The following KANK1 variants were observed in gnomAD, a reference collection of about 807,000 sequenced individuals.
KANK1 encodes KN motif and ankyrin repeat domain-containing protein 1.
A neutral mutation model predicts 106.2 loss-of-function variants in KANK1; 109 were observed. The observed-to-expected ratio is 1.03, with a 90% CI of 0.88 to 1.20. KANK1 has a LOEUF of 1.20. Ranked by LOEUF, KANK1 falls within the 50% of genes most tolerant of loss-of-function variation. The pLI is 0.00. For missense variants in KANK1, 2,399 were observed against 1,710.7 expected (o/e 1.40, Z -7.10); for synonymous variants, 873 against 652.2 (o/e 1.34, Z -5.16).
chr9:627,559 T>C (rs1352658831), intron 1 of KANK1, among the ~76,000 whole-genome samples: 1 of 152,218 alleles, frequency 6.6e-6, no homozygotes, highest in Non-Finnish European at 1.5e-5. Flanking sequence ...TTGCCAGTAA[T>C]GAACAATCTT....
At chr9:690,133 C>CAAAAAAAA (rs57837964) in intron 2 of KANK1, among the ~76,000 whole-genome samples, 161 of 61,648 alleles carry the variant, frequency 2.6e-3, no homozygotes, top group Non-Finnish European at 3.3e-3. Context: ...TCTAAAAATA[C>CAAAAAAAA]AAAAAAAAAA....
At chr9:504,251 T>C (rs551176702), upstream of KANK1, among the ~76,000 whole-genome samples, 705 of 152,124 alleles carry the variant, frequency 4.6e-3, 1 homozygote, top group African/African-American at 0.016. Flanking sequence ...CGGGTGTGTG[T>C]GCGAGGATGG....
chr9:701,147 A>T (rs1318506272), intron 2 of KANK1, among the ~76,000 whole-genome samples: 1 of 151,928 alleles, frequency 6.6e-6, no homozygotes, highest in Non-Finnish European at 1.5e-5. Context: ...ATGGAGTTTC[A>T]CTCTTGCCCA....
intron 2 of KANK1, among the ~76,000 whole-genome samples, chr9:701,801 A>G (rs1022214000): frequency 6.6e-6 from 1 of 152,192 alleles, no homozygotes; most frequent in Non-Finnish European, 1.5e-5. Context: ...GTTAATTTTT[A>G]TGTCTTTCAA....
intron 1 of KANK1, among the ~76,000 whole-genome samples, chr9:567,962 A>G (rs1818220687): frequency 6.6e-6 from 1 of 151,972 alleles, no homozygotes; most frequent in South Asian, 2.1e-4. Flanking sequence ...TTCCAAAGAG[A>G]GAGTGCCAAA....
chr9:633,678 G>A (rs997717769), intron 1 of KANK1, among the ~76,000 whole-genome samples: 2 of 152,042 alleles, frequency 1.3e-5, no homozygotes, highest in Non-Finnish European at 2.9e-5. Context: ...TTTGAGACAG[G>A]GTCTCGCTTT....
intron 1 of KANK1, among the ~76,000 whole-genome samples, chr9:649,321 A>G (rs1340897051): frequency 6.6e-6 from 1 of 151,954 alleles, no homozygotes; most frequent in Non-Finnish European, 1.5e-5. Context: ...CATCCCATCT[A>G]CTTAACATTT....
At chr9:532,588 A>G (rs906577962) in intron 1 of KANK1, among the ~76,000 whole-genome samples, 3 of 151,922 alleles carry the variant, frequency 2.0e-5, no homozygotes, top group African/African-American at 7.2e-5. Context: ...TAACTGTTTT[A>G]TTTTTAAATT....
In KANK1 at chr9:516,998, TACACACACACAC is replaced by T. The variant is rs148954863; in HGVS notation, c.-84+12262_-84+12273del. 3.4e-5 allele frequency among the ~76,000 whole-genome samples: 5 copies of T among 145,562 alleles called. No individual in the cohort carries two copies. In the East Asian group the frequency reaches 6.1e-4, roughly 18 times the overall value. ...GTGGTTTCTATTCTTCATCACCCTC[TACACACACACAC>T]ACACACACACACACACATCCGTCTT... On this transcript the variant is annotated intron_variant, in intron 1 of 11. Coordinates refer to ENST00000382297, the MANE Select transcript of KANK1 (RefSeq NM_015158.5).
intron 1 of KANK1, among the ~76,000 whole-genome samples, chr9:580,370 C>T (rs768425634): frequency 6.6e-6 from 1 of 152,150 alleles, no homozygotes; most frequent in Non-Finnish European, 1.5e-5. Flanking sequence ...AACAAAGCTT[C>T]CACACTGTGG....
intron 1 of KANK1, among the ~76,000 whole-genome samples, chr9:571,083 G>T (rs918066073): frequency 1.3e-5 from 2 of 152,132 alleles, no homozygotes; most frequent in South Asian, 2.1e-4. Context: ...GGACCAGTTT[G>T]CACCTCTGTT....
At chr9:515,108 C>A (rs1221686553) in intron 1 of KANK1, among the ~76,000 whole-genome samples, 2 of 151,678 alleles carry the variant, frequency 1.3e-5, no homozygotes, top group Non-Finnish European at 2.9e-5. Flanking sequence ...CTTTGGGAGG[C>A]AGAGGCGGGT....
rs561367339 is a variant in KANK1, at chr9:622,731, A to G, written c.-83-54159A>G. Among the ~76,000 whole-genome samples, 21 of 152,050 alleles carry G rather than the reference A, an allele frequency of 1.4e-4. No individual in the cohort carries two copies. The South Asian group carries it at 1.7e-3, about 12-fold the overall frequency. ...AGCCTGGCCAACATAGTGAAACCCC[A>G]TCTTTACTAAAAATACAAAAAATGA... On this transcript the variant is annotated intron_variant, in intron 1 of 11. Coordinates refer to ENST00000382297, the MANE Select transcript of KANK1 (RefSeq NM_015158.5).
At chr9:720,159 G>A (rs564528581) in intron 3 of KANK1, among the ~76,000 whole-genome samples, 1 of 152,266 alleles carries the variant, frequency 6.6e-6, no homozygotes, top group Admixed American at 6.5e-5. Context: ...TGAGGCTCAT[G>A]CTTTATTGGT....
intron 2 of KANK1, among the ~76,000 whole-genome samples, chr9:696,931 G>T (rs536830018): frequency 6.6e-6 from 1 of 152,130 alleles, no homozygotes; most frequent in African/African-American, 2.4e-5. Flanking sequence ...GCACCCTAAG[G>T]ACATTGATGC....
intron 1 of KANK1, among the ~76,000 whole-genome samples, chr9:528,688 A>G (rs2059920343): frequency 6.6e-6 from 1 of 151,944 alleles, no homozygotes; most frequent in Non-Finnish European, 1.5e-5. Flanking sequence ...TGGTTTCACC[A>G]TGTTGGCCAG....
chr9:535,802 C>A lies in KANK1; in HGVS notation c.-84+31048C>A, dbSNP rs114891336. Among the ~76,000 whole-genome samples, 270 of 152,318 alleles carry A rather than the reference C, an allele frequency of 1.8e-3. 1 individual carries two copies. Among genetic ancestry groups the A allele is most frequent in the African/African-American group, 6.1e-3 (255 of 41,570 alleles). ...TATGTTCTCTCTACCATGCTCGTCA[C>A]AAGCAGTCTTCTGGGTCCTCACAAG... On this transcript the variant is annotated intron_variant, in intron 1 of 11. Coordinates refer to ENST00000382297, the MANE Select transcript of KANK1 (RefSeq NM_015158.5).
intron 3 of KANK1, among the ~76,000 whole-genome samples, chr9:475,660 T>C (rs2058090198): frequency 6.6e-6 from 1 of 152,184 alleles, no homozygotes. Context: ...TGGCATAATA[T>C]TACATGACAA....
intron 1 of KANK1, among the ~76,000 whole-genome samples, chr9:676,623 A>G (rs555551721): frequency 2.2e-3 from 339 of 152,298 alleles, no homozygotes; most frequent in Non-Finnish European, 3.8e-3. Context: ...CTTTCCTAAA[A>G]TAGTCTCATT....
Sources: gnomAD v4.1 joint callset for allele counts (sites outside exome capture counted in the v4.1 genomes callset) on GRCh38, gnomAD v4.1.1 for gene constraint, MANE v1.5 for transcripts, NCBI Gene and HGNC (gene_info 2026-07-23, HGNC 2026-07-21) for gene names.